The following SYN2 variants were observed in gnomAD, a reference collection of about 807,000 sequenced individuals.
SYN2 encodes the protein synapsin-2.
Under a neutral mutation model 50.9 loss-of-function variants are expected in SYN2, and 19 were observed. The observed-to-expected ratio is 0.37, with a 90% confidence interval of 0.26 to 0.55. The LOEUF is 0.55. Among genes scored for constraint, SYN2 ranks in the 20% least tolerant of loss-of-function variants. The pLI is 0.81. For missense variants in SYN2, 587 were observed against 576.4 expected (o/e 1.02, Z -0.19); for synonymous variants, 255 against 224.9 (o/e 1.13, Z -1.20).
chr3:12,021,561 G>A (rs1449684775), intron 1 of SYN2, among the ~76,000 whole-genome samples: 1 of 151,626 alleles, frequency 6.6e-6, no homozygotes, highest in African/African-American at 2.4e-5. Flanking sequence ...GGGCAGCATA[G>A]CAACATCTTG....
At chr3:12,103,397 A>G (rs1428364284) in intron 1 of SYN2, among the ~76,000 whole-genome samples, 1 of 152,224 alleles carries the variant, frequency 6.6e-6, no homozygotes, top group Non-Finnish European at 1.5e-5. Flanking sequence ...ATAATAATAC[A>G]TAATTATGGA....
chr3:12,027,106 A>C (rs1201439100), intron 1 of SYN2, among the ~76,000 whole-genome samples: 2 of 152,234 alleles, frequency 1.3e-5, no homozygotes, highest in Non-Finnish European at 2.9e-5. Context: ...TTGCCATTCT[A>C]AACTCATCAT....
At chr3:12,183,763 T>G in intron 11 of SYN2, 1 of 1,126,238 alleles carries the variant, frequency 8.9e-7, no homozygotes, top group African/African-American at 1.7e-5. Flanking sequence ...TTTTTAAAAG[T>G]AATATATAAT....
intron 1 of SYN2, among the ~76,000 whole-genome samples, chr3:12,097,173 A>G (rs189666955): frequency 1.0e-3 from 157 of 152,350 alleles, no homozygotes; most frequent in African/African-American, 3.4e-3. Flanking sequence ...TACTGGGTAT[A>G]TACCCAAAGG....
chr3:12,066,303 G>T (rs1047960511), intron 1 of SYN2, among the ~76,000 whole-genome samples: 6 of 152,024 alleles, frequency 3.9e-5, no homozygotes, highest in Non-Finnish European at 7.4e-5. Flanking sequence ...TATCTTAATA[G>T]TTTTTTTGGT....
chr3:12,066,088 C>T (rs750007026), intron 1 of SYN2, among the ~76,000 whole-genome samples: 2 of 152,114 alleles, frequency 1.3e-5, no homozygotes, highest in Non-Finnish European at 2.9e-5. Flanking sequence ...CTAAACCCTA[C>T]TGAATTGCAC....
intron 4 of SYN2, 23 bp from the exon 5 acceptor site, chr3:12,151,214 T>C (rs771233928): frequency 2.5e-5 from 38 of 1,550,552 alleles, no homozygotes; most frequent in Non-Finnish European, 3.2e-5. Flanking sequence ...AGATAAGCTG[T>C]AACATTTGCT....
At chr3:12,060,743 G>A (rs1460636332) in intron 1 of SYN2, among the ~76,000 whole-genome samples, 1 of 152,114 alleles carries the variant, frequency 6.6e-6, no homozygotes. Context: ...ATTAAACACA[G>A]CCAAACTCCT....
At chr3:12,167,741 A>C (rs993321497) in intron 8 of SYN2, among the ~76,000 whole-genome samples, 4 of 152,196 alleles carry the variant, frequency 2.6e-5, no homozygotes, top group Non-Finnish European at 4.4e-5. Flanking sequence ...GGCAGAGGTT[A>C]GAAGAGTTTG....
intron 1 of SYN2, among the ~76,000 whole-genome samples, chr3:12,091,048 T>C (rs1339906687): frequency 6.6e-6 from 1 of 152,228 alleles, no homozygotes; most frequent in Non-Finnish European, 1.5e-5. Context: ...CTTCTATCTC[T>C]TCCCCTCATA....
At chr3:12,176,417 C>T (rs1009607407) in intron 10 of SYN2, among the ~76,000 whole-genome samples, 4 of 152,208 alleles carry the variant, frequency 2.6e-5, no homozygotes, top group African/African-American at 9.7e-5. Context: ...CAGACACTGA[C>T]GGGCTGAGGT....
At chr3:12,068,483 AT>A (rs1481970768) in intron 1 of SYN2, among the ~76,000 whole-genome samples, 1 of 152,038 alleles carries the variant, frequency 6.6e-6, no homozygotes, top group Non-Finnish European at 1.5e-5. Context: ...ATCTATTTGC[AT>A]TTGTTTTGCT....
intron 11 of SYN2, chr3:12,184,941 C>T (rs1698307759): frequency 2.0e-6 from 2 of 985,548 alleles, no homozygotes; most frequent in African/African-American, 1.7e-5. Context: ...ACTGTCATGT[C>T]ACCGTTCTGA....
chr3:12,119,239 A>C (rs1696499732), intron 1 of SYN2, among the ~76,000 whole-genome samples: 1 of 152,126 alleles, frequency 6.6e-6, no homozygotes, highest in Non-Finnish European at 1.5e-5. Flanking sequence ...AAAAACAATA[A>C]CAACTCTTCT....
chr3:12,153,347 G>T, intron 5 of SYN2: 1 of 758,868 alleles, frequency 1.3e-6, no homozygotes, highest in Non-Finnish European at 2.2e-6. Context: ...GGGCAGGGCA[G>T]AAAAGTCATG....
chr3:12,107,380 A>T (rs922752097), intron 1 of SYN2, among the ~76,000 whole-genome samples: 1 of 152,126 alleles, frequency 6.6e-6, no homozygotes, highest in South Asian at 2.1e-4. Context: ...TGAGTGATGG[A>T]TGTCGTTGCA....
At chr3:12,016,954 A>G (rs575279821) in intron 1 of SYN2, among the ~76,000 whole-genome samples, 1 of 152,274 alleles carries the variant, frequency 6.6e-6, no homozygotes, top group South Asian at 2.1e-4. Flanking sequence ...TAAAGGTTGG[A>G]CTGTTTGACT....
chr3:12,034,253 C>T (rs1231469540), intron 1 of SYN2, among the ~76,000 whole-genome samples: 1 of 152,122 alleles, frequency 6.6e-6, no homozygotes, highest in African/African-American at 2.4e-5. Flanking sequence ...AGTAGTATCT[C>T]ATTGTGGTTT....
At chr3:12,100,270 A>C (rs1228863828) in intron 1 of SYN2, among the ~76,000 whole-genome samples, 1 of 152,208 alleles carries the variant, frequency 6.6e-6, no homozygotes, top group Admixed American at 6.5e-5. Flanking sequence ...AAAATGGTAT[A>C]GTACTGGCAT....
Sources: gnomAD v4.1 joint callset for allele counts (sites outside exome capture counted in the v4.1 genomes callset) on GRCh38, gnomAD v4.1.1 for gene constraint, MANE v1.5 for transcripts, NCBI Gene and HGNC (gene_info 2026-07-23, HGNC 2026-07-21) for gene names.